Variants in PALLD observed in about 807,000 individuals in gnomAD.
The protein encoded by PALLD is palladin.
A neutral mutation model predicts 123.5 loss-of-function variants in PALLD; 61 were observed. The ratio of observed to expected loss-of-function variants is 0.49; its 90% CI spans 0.40 to 0.61. PALLD has a LOEUF of 0.61. Among genes scored for constraint, PALLD ranks in the 20% least tolerant of loss-of-function variants. The pLI, the probability that PALLD is intolerant of heterozygous loss-of-function variation, is 0.00. For synonymous variants in PALLD, 465 were observed against 496.4 expected, an observed-to-expected ratio of 0.94 and a Z score of 0.84; for missense variants, 1,273 against 1,377.0, an observed-to-expected ratio of 0.92 and a Z score of 1.20.
chr4:168,783,120 T>C (rs1019324482), intron 10 of PALLD, among the ~76,000 whole-genome samples: 1 of 151,680 alleles, frequency 6.6e-6, no homozygotes, highest in Non-Finnish European at 1.5e-5. Context: ...TAAAACCATA[T>C]ATTCATGGTA....
At chr4:168,826,341 GGATGGT>G (rs1743416917) in intron 10 of PALLD, among the ~76,000 whole-genome samples, 1 of 152,150 alleles carries the variant, frequency 6.6e-6, no homozygotes, top group African/African-American at 2.4e-5. Context: ...GACGGTGAAT[GGATGGT>G]GAATGCACTT....
intron 2 of PALLD, among the ~76,000 whole-genome samples, chr4:168,620,426 A>T (rs1348336609): frequency 6.6e-6 from 1 of 152,172 alleles, no homozygotes; most frequent in Non-Finnish European, 1.5e-5. Flanking sequence ...CCGCACTGCA[A>T]CCTGGGCGAC....
chr4:168,785,319 C>G (rs1481893902), intron 10 of PALLD, among the ~76,000 whole-genome samples: 2 of 152,084 alleles, frequency 1.3e-5, no homozygotes, highest in Non-Finnish European at 2.9e-5. Context: ...AAGTGAATCA[C>G]AGTCCTTGTT....
chr4:168,843,167 C>T (rs1746296391), intron 10 of PALLD, among the ~76,000 whole-genome samples: 1 of 152,138 alleles, frequency 6.6e-6, no homozygotes, highest in Non-Finnish European at 1.5e-5. Context: ...TCCCTGCAAA[C>T]CTTTTAGAAA....
intron 2 of PALLD, among the ~76,000 whole-genome samples, chr4:168,651,208 G>T (rs1388333764): frequency 6.6e-6 from 1 of 152,192 alleles, no homozygotes; most frequent in Non-Finnish European, 1.5e-5. Context: ...CTAAAGCAGT[G>T]TTAGAAGGCT....
chr4:168,820,126 G>A (rs1400113128), intron 10 of PALLD, among the ~76,000 whole-genome samples: 1 of 152,254 alleles, frequency 6.6e-6, no homozygotes, highest in Non-Finnish European at 1.5e-5. Flanking sequence ...TAGGCAAGGT[G>A]ATTCTGCTTC....
chr4:168,855,430 A>C (rs959399392), intron 10 of PALLD, among the ~76,000 whole-genome samples: 2 of 152,230 alleles, frequency 1.3e-5, no homozygotes, highest in African/African-American at 4.8e-5. Flanking sequence ...AGTGATTAAC[A>C]TGTAAGTGGT....
intron 2 of PALLD, among the ~76,000 whole-genome samples, chr4:168,623,849 G>A (rs1366764056): frequency 6.6e-5 from 10 of 152,268 alleles, no homozygotes; most frequent in Admixed American, 2.0e-4. Flanking sequence ...TAGCCACTGT[G>A]TAAAGCAGGA....
chr4:168,779,353 G>T (rs1455437450), intron 10 of PALLD, among the ~76,000 whole-genome samples: 10 of 151,958 alleles, frequency 6.6e-5, no homozygotes, highest in African/African-American at 2.4e-4. Flanking sequence ...TTACTCCTTT[G>T]TTCTTCAGGA....
intron 2 of PALLD, among the ~76,000 whole-genome samples, chr4:168,546,153 A>G (rs62335463): frequency 0.12 from 17,896 of 152,118 alleles, 1,445 homozygotes; most frequent in Non-Finnish European, 0.17. Flanking sequence ...AAGACGAATT[A>G]CTGTGTGTAT....
At chr4:168,796,924 C>G (rs898464333) in intron 10 of PALLD, among the ~76,000 whole-genome samples, 3 of 152,186 alleles carry the variant, frequency 2.0e-5, no homozygotes, top group Non-Finnish European at 2.9e-5. Context: ...TGAACTGTCT[C>G]TAGTGAATAC....
intron 10 of PALLD, among the ~76,000 whole-genome samples, chr4:168,872,695 G>T (rs1215957299): frequency 6.6e-6 from 1 of 151,198 alleles, no homozygotes; most frequent in Non-Finnish European, 1.5e-5. Context: ...GTAAATAAAT[G>T]ATCATTCTTA....
intron 10 of PALLD, among the ~76,000 whole-genome samples, chr4:168,846,561 A>C (rs562299765): frequency 1.3e-5 from 2 of 152,330 alleles, no homozygotes; most frequent in East Asian, 3.9e-4. Flanking sequence ...GGAATTTTGC[A>C]GTTTCCTCTT....
At chr4:168,899,925 A>AG (rs1211566397) in intron 14 of PALLD, among the ~76,000 whole-genome samples, 5 of 152,110 alleles carry the variant, frequency 3.3e-5, no homozygotes, top group African/African-American at 1.2e-4. Flanking sequence ...CTCAAAAAAA[A>AG]AAAAAAGAAA....
chr4:168,565,023 C>CAAA (rs761594759), intron 2 of PALLD, among the ~76,000 whole-genome samples: 2 of 116,048 alleles, frequency 1.7e-5, no homozygotes, highest in Non-Finnish European at 3.6e-5. Flanking sequence ...CCATCTCTAC[C>CAAA]AAAAAAAAAA....
chr4:168,874,819 C>T (rs899290668), intron 10 of PALLD, among the ~76,000 whole-genome samples: 2 of 152,040 alleles, frequency 1.3e-5, no homozygotes, highest in Non-Finnish European at 2.9e-5. Context: ...GTGGACTGTG[C>T]CAGGTCTAGA....
chr4:168,751,101 T>C (rs1277029424), intron 10 of PALLD, among the ~76,000 whole-genome samples: 1 of 151,908 alleles, frequency 6.6e-6, no homozygotes, highest in Non-Finnish European at 1.5e-5. Context: ...TAACCTCCAC[T>C]TCCCAGGTTC....
At chr4:168,842,939 T>C in intron 10 of PALLD, among the ~76,000 whole-genome samples, 1 of 152,184 alleles carries the variant, frequency 6.6e-6, no homozygotes, top group South Asian at 2.1e-4. Flanking sequence ...AAATAAAAGC[T>C]TCTCAAAAAT....
intron 2 of PALLD, among the ~76,000 whole-genome samples, chr4:168,667,330 A>G (rs1226263693): frequency 6.6e-6 from 1 of 151,826 alleles, no homozygotes; most frequent in Admixed American, 6.6e-5. Context: ...CAATCCTTTT[A>G]GTTCTAAGTG....
Sources: gnomAD v4.1 joint callset for allele counts (sites outside exome capture counted in the v4.1 genomes callset) on GRCh38, gnomAD v4.1.1 for gene constraint, MANE v1.5 for transcripts, NCBI Gene and HGNC (gene_info 2026-07-23, HGNC 2026-07-21) for gene names.